The following PPP2R2B variants were observed in gnomAD, a reference collection of about 807,000 sequenced individuals.
PPP2R2B encodes the protein protein phosphatase 2 regulatory subunit Bbeta, also known as serine/threonine-protein phosphatase 2A 55 kDa regulatory subunit B beta isoform.
PPP2R2B carries 5 observed loss-of-function variants against 46.0 expected under a neutral mutation model. The observed-to-expected ratio is 0.11, with a 90% CI of 0.06 to 0.23. PPP2R2B has a LOEUF of 0.23. Ranked by LOEUF, PPP2R2B falls within the 10% of genes least tolerant of loss-of-function variation. The pLI is 1.00. For synonymous variants in PPP2R2B, 215 were observed against 206.7 expected, an observed-to-expected ratio of 1.04 and a Z score of -0.34; for missense variants, 367 against 575.0, an observed-to-expected ratio of 0.64 and a Z score of 3.70.
chr5:147,030,448 G>C (rs1439243843), intron 1 of PPP2R2B, among the ~76,000 whole-genome samples: 1 of 151,904 alleles, frequency 6.6e-6, no homozygotes, highest in African/African-American at 2.4e-5. Context: ...AGCTTGCTGA[G>C]AGATTTTTTT....
Position 147,068,777 on chromosome 5 carries a change from T to C in PPP2R2B, c.50+12282A>G, listed in dbSNP as rs1024057464. On this transcript the variant is annotated intron_variant, in intron 2 of 10. Coordinates refer to the PPP2R2B transcript ENST00000394413. ...CAGTTTTCCTTGGAAAATAGGCACT[T>C]AATATCAATATTTGGAAATCATTAC... is the stretch of plus-strand genomic sequence containing the variant. 1.2e-4 allele frequency among the ~76,000 whole-genome samples: 18 copies of C among 152,210 alleles called. 1 individual carries two copies. The highest frequency in any genetic ancestry group is 7.9e-4 in the Admixed American group (12 of 15,272).
chr5:146,958,555 G>T (rs1447024026), intron 1 of PPP2R2B, among the ~76,000 whole-genome samples: 1 of 152,012 alleles, frequency 6.6e-6, no homozygotes, highest in Non-Finnish European at 1.5e-5. Flanking sequence ...ACTCTGTATT[G>T]TCACGATTTT....
intron 2 of PPP2R2B, among the ~76,000 whole-genome samples, chr5:146,705,684 T>C (rs1222263073): frequency 6.6e-6 from 1 of 152,168 alleles, no homozygotes; most frequent in Non-Finnish European, 1.5e-5. Flanking sequence ...CCAAAGTAAC[T>C]TACCAAGTTT....
Position 146,787,848 on chromosome 5 carries a change from G to A in PPP2R2B, c.71-86706C>T, listed in dbSNP as rs139084239. On this transcript the variant is annotated intron_variant, in intron 2 of 9. Transcript: ENST00000394411. ...CTCCCAAAGTGCTGGGATTACAGGC[G>A]TGAGCCACCATGTCCAGCCTATTCT... Among the ~76,000 whole-genome samples, 345 of 152,262 alleles carry A rather than the reference G, an allele frequency of 2.3e-3. 1 individual carries two copies. Among genetic ancestry groups the A allele is most frequent in the Non-Finnish European group, 4.0e-3 (271 of 68,016 alleles).
intron 5 of PPP2R2B, among the ~76,000 whole-genome samples, chr5:146,654,512 A>C (rs1776192954): frequency 6.6e-6 from 1 of 152,216 alleles, no homozygotes; most frequent in Non-Finnish European, 1.5e-5. Flanking sequence ...ACATCAAATC[A>C]GGGAACATTT....
upstream of PPP2R2B, chr5:146,878,997 A>G: frequency 1.0e-6 from 1 of 1,000,948 alleles, no homozygotes; most frequent in Non-Finnish European, 1.3e-6. The surrounding 1 kb of genome is among the most constrained non-coding windows in gnomAD (Gnocchi z 4.5). Flanking sequence ...CCACTCAGCT[A>G]AGGGCCACGT....
At chr5:146,720,089 G>A (rs1048307429) in intron 2 of PPP2R2B, among the ~76,000 whole-genome samples, 1 of 152,146 alleles carries the variant, frequency 6.6e-6, no homozygotes, top group African/African-American at 2.4e-5. Flanking sequence ...TGCCTCTGTA[G>A]GCATCTGAGT....
chr5:146,953,195 A>G (rs373329397), intron 1 of PPP2R2B, among the ~76,000 whole-genome samples: 2 of 152,296 alleles, frequency 1.3e-5, no homozygotes, highest in East Asian at 3.9e-4. Flanking sequence ...TTGTGAATAA[A>G]TCTGCAACAT....
chr5:146,937,567 A>C (rs955997478), intron 1 of PPP2R2B, among the ~76,000 whole-genome samples: 24 of 152,104 alleles, frequency 1.6e-4, no homozygotes, highest in African/African-American at 5.8e-4. Flanking sequence ...AGTCAGAACA[A>C]CTTGCCAAGG....
At chr5:146,838,897 G>A (rs1295964487) in intron 2 of PPP2R2B, among the ~76,000 whole-genome samples, 1 of 152,182 alleles carries the variant, frequency 6.6e-6, no homozygotes, top group Non-Finnish European at 1.5e-5. Flanking sequence ...CAGCGTTAGA[G>A]GTTTAGCCCA....
chr5:146,861,859 T>A (rs1039744008), intron 2 of PPP2R2B, among the ~76,000 whole-genome samples: 1 of 71,368 alleles, frequency 1.4e-5, no homozygotes, highest in Non-Finnish European at 2.8e-5. Context: ...CAGCATTGTT[T>A]TTTTTTTTTT....
intron 1 of PPP2R2B, among the ~76,000 whole-genome samples, chr5:146,886,631 T>A (rs529940666): frequency 1.3e-5 from 2 of 152,046 alleles, no homozygotes; most frequent in Non-Finnish European, 2.9e-5. Flanking sequence ...ATGTTCATGA[T>A]GTTCAAAAAA....
At chr5:146,898,021 C>G (rs528020636) in intron 1 of PPP2R2B, among the ~76,000 whole-genome samples, 78 of 152,192 alleles carry the variant, frequency 5.1e-4, no homozygotes, top group African/African-American at 1.8e-3. Flanking sequence ...CCCGTGTCTA[C>G]TAAAAGTACA....
chr5:146,737,197 C>T (rs1266010049), intron 2 of PPP2R2B, among the ~76,000 whole-genome samples: 1 of 152,146 alleles, frequency 6.6e-6, no homozygotes, highest in Non-Finnish European at 1.5e-5. Flanking sequence ...GCTTTAGCTG[C>T]ACTGTGAATG....
At chr5:147,011,606 AAC>A (rs1754737307) in intron 1 of PPP2R2B, among the ~76,000 whole-genome samples, 1 of 151,422 alleles carries the variant, frequency 6.6e-6, no homozygotes, top group South Asian at 2.1e-4. Flanking sequence ...CAGAACTTCC[AAC>A]ACTATGTTGA....
At chr5:146,868,717 C>G (rs1761452307) in intron 2 of PPP2R2B, among the ~76,000 whole-genome samples, 1 of 152,154 alleles carries the variant, frequency 6.6e-6, no homozygotes, top group Non-Finnish European at 1.5e-5. Flanking sequence ...AAATTGGACC[C>G]TTGTATTGAT....
chr5:146,607,318 G>A (rs926967636), intron 7 of PPP2R2B: 8 of 152,128 alleles, frequency 5.3e-5, no homozygotes, highest in African/African-American at 1.9e-4. Flanking sequence ...GTGCTACCAG[G>A]GGCCTAATGA....
intron 6 of PPP2R2B, among the ~76,000 whole-genome samples, chr5:146,647,224 T>C (rs926202834): frequency 1.2e-4 from 1 of 8,622 alleles, no homozygotes; most frequent in Non-Finnish European, 4.6e-4. Context: ...CGTTCACTAT[T>C]GCTTAGAAGC....
intron 2 of PPP2R2B, among the ~76,000 whole-genome samples, chr5:146,824,787 G>A (rs187816325): frequency 2.0e-4 from 29 of 148,628 alleles, no homozygotes; most frequent in Admixed American, 6.7e-4. Flanking sequence ...GTGCAATCTC[G>A]GCTCACTGTA....
Sources: gnomAD v4.1 joint callset for allele counts (sites outside exome capture counted in the v4.1 genomes callset) on GRCh38, gnomAD v4.1.1 for gene constraint, Gnocchi (gnomAD v3.1) non-coding constraint, MANE v1.5 for transcripts, NCBI Gene and HGNC (gene_info 2026-07-23, HGNC 2026-07-21) for gene names.